FNDC3A: variants seen among roughly 807,000 people sequenced by gnomAD.
The protein encoded by FNDC3A is fibronectin type-III domain-containing protein 3A.
FNDC3A carries 32 observed loss-of-function variants against 148.9 expected under a neutral mutation model. That is an observed-to-expected ratio of 0.21 (90% CI 0.16 to 0.29). The LOEUF (loss-of-function observed/expected upper bound fraction) is 0.29, where lower values mean the gene tolerates loss of function less well. Ranked by LOEUF, FNDC3A falls within the 10% of genes least tolerant of loss-of-function variation. The pLI, the probability that FNDC3A is intolerant of heterozygous loss-of-function variation, is 1.00. For synonymous variants in FNDC3A, 472 were observed against 473.6 expected (o/e 1.00, Z 0.04); for missense variants, 1,191 against 1,452.8 (o/e 0.82, Z 2.93).
intron 1 of FNDC3A, among the ~76,000 whole-genome samples, chr13:48,988,560 G>A (rs1951848136): frequency 6.6e-6 from 1 of 152,176 alleles, no homozygotes; most frequent in Non-Finnish European, 1.5e-5. Flanking sequence ...CTTGTAGTAT[G>A]GCCAGGTGCT....
intron 2 of FNDC3A, among the ~76,000 whole-genome samples, chr13:49,043,853 G>T (rs1289181998): frequency 1.3e-5 from 2 of 152,036 alleles, no homozygotes; most frequent in Admixed American, 6.5e-5. Flanking sequence ...CAACTCAAAA[G>T]ATTAAATAAA....
Position 49,075,135 on chromosome 13 carries a change from A to AT in FNDC3A, c.100-146dup, listed in dbSNP as rs202029089. Among the ~76,000 whole-genome samples the AT allele has an allele frequency of 7.3e-3, 1,105 of 151,658 alleles. 14 individuals carry two copies. The highest frequency in any genetic ancestry group is 0.044 in the East Asian group (226 of 5,164). On this transcript the variant is annotated intron_variant, in intron 2 of 25. Coordinates refer to ENST00000492622, the MANE Select transcript of FNDC3A (RefSeq NM_001079673.2). ...CTAACCTCCAGAAAAGTGATGTCAC[A>AT]TTTTTTTTAGCAAACCAGCATCTTA...
rs183511561 is a variant in FNDC3A at position 49,006,242 on chromosome 13, A to G, written c.52A>G (p.Ile18Val). ...LDTTQILSSD[I>V]SLLSAPIVSA... Reference sequence around the variant, plus strand: ...TACAACTCAGATCTTAAGTAGTGATATTTCTCTTTTGTCTGCCCCTATTGT... The same window carrying G: ...TACAACTCAGATCTTAAGTAGTGATGTTTCTCTTTTGTCTGCCCCTATTGT... The change falls in exon 2 of 26, where the codon ATT becomes GTT. Residue 18 changes from isoleucine to valine, a missense_variant. By Grantham distance (29) the Ile-to-Val change is conservative. Coordinates refer to ENST00000492622, the MANE Select transcript of FNDC3A (RefSeq NM_001079673.2). 328 of 1,610,374 alleles carry G rather than the reference A, an allele frequency of 2.0e-4. No individual in the cohort carries two copies. Among genetic ancestry groups the G allele is most frequent in the Admixed American group, 5.7e-4 (34 of 59,874 alleles).
chr13:49,135,124 G>A (rs1882279439), intron 5 of FNDC3A, among the ~76,000 whole-genome samples: 1 of 151,682 alleles, frequency 6.6e-6, no homozygotes, highest in Non-Finnish European at 1.5e-5. Flanking sequence ...CAAAGTGCTG[G>A]GATTACAGGC....
At chr13:49,028,229 T>C (rs1873861062) in intron 2 of FNDC3A, among the ~76,000 whole-genome samples, 1 of 151,538 alleles carries the variant, frequency 6.6e-6, no homozygotes, top group South Asian at 2.1e-4. Flanking sequence ...AAAAAAAAAT[T>C]CATGATTTAA....
chr13:49,162,429 A>G (rs1438991309), intron 8 of FNDC3A, among the ~76,000 whole-genome samples: 1 of 152,084 alleles, frequency 6.6e-6, no homozygotes, highest in Non-Finnish European at 1.5e-5. Flanking sequence ...TGTGTCACGT[A>G]GTTCTCGTGC....
chr13:49,092,567 T>C (rs561475489), intron 3 of FNDC3A, among the ~76,000 whole-genome samples: 1 of 152,272 alleles, frequency 6.6e-6, no homozygotes, highest in Non-Finnish European at 1.5e-5. Flanking sequence ...CTTTGTATCC[T>C]TCAATCCAAT....
chr13:49,008,371 C>A (rs185189501), intron 2 of FNDC3A, among the ~76,000 whole-genome samples: 1 of 152,128 alleles, frequency 6.6e-6, no homozygotes, highest in Admixed American at 6.5e-5. Context: ...CTTATTGATA[C>A]GCCAAGTTAT....
intron 2 of FNDC3A, among the ~76,000 whole-genome samples, chr13:49,027,324 G>A (rs978808973): frequency 1.3e-5 from 2 of 152,172 alleles, no homozygotes; most frequent in African/African-American, 2.4e-5. Flanking sequence ...GCACCAAACC[G>A]ATAGGAATGG....
At chr13:49,050,385 A>G (rs1875748563) in intron 2 of FNDC3A, among the ~76,000 whole-genome samples, 1 of 152,086 alleles carries the variant, frequency 6.6e-6, no homozygotes, top group South Asian at 2.1e-4. Flanking sequence ...TTCCATCTTG[A>G]TTTCATTTTT....
intron 3 of FNDC3A, among the ~76,000 whole-genome samples, chr13:49,113,900 A>G (rs150749282): frequency 1.7e-3 from 260 of 151,282 alleles, no homozygotes; most frequent in African/African-American, 6.1e-3. Flanking sequence ...ATGTTAAAAG[A>G]GAAGGTAAAC....
At chr13:49,066,472 T>C (rs1039271490) in intron 2 of FNDC3A, among the ~76,000 whole-genome samples, 1 of 152,208 alleles carries the variant, frequency 6.6e-6, no homozygotes, top group Non-Finnish European at 1.5e-5. Context: ...TACTGCTGCT[T>C]ACTGTGTATG....
At chr13:49,122,812 A>G (rs1408888025) in intron 4 of FNDC3A, among the ~76,000 whole-genome samples, 1 of 152,200 alleles carries the variant, frequency 6.6e-6, no homozygotes, top group Non-Finnish European at 1.5e-5. Context: ...GACCTCTTCA[A>G]GGAGAACTAC....
intron 1 of FNDC3A, among the ~76,000 whole-genome samples, chr13:48,990,625 G>A (rs1239309720): frequency 2.0e-5 from 3 of 147,306 alleles, no homozygotes; most frequent in East Asian, 2.0e-4. Flanking sequence ...AGCCAGGCAT[G>A]GTGGTGCATG....
chr13:48,996,487 G>A (rs1593449938), intron 1 of FNDC3A, among the ~76,000 whole-genome samples: 1 of 152,108 alleles, frequency 6.6e-6, no homozygotes, highest in Admixed American at 6.5e-5. Context: ...ACAATACAGT[G>A]TCACTATTTA....
At chr13:49,143,854 T>C (rs1240802023) in intron 7 of FNDC3A, among the ~76,000 whole-genome samples, 1 of 151,970 alleles carries the variant, frequency 6.6e-6, no homozygotes, top group Admixed American at 6.6e-5. Context: ...CTTCATAAAG[T>C]AGGTGCCAGG....
chr13:49,072,764 A>C (rs1465789492), intron 2 of FNDC3A, among the ~76,000 whole-genome samples: 1 of 152,132 alleles, frequency 6.6e-6, no homozygotes, highest in Non-Finnish European at 1.5e-5. Flanking sequence ...GATTACAGGC[A>C]TGAGCCACCA....
chr13:49,162,058 C>T (rs1196316342), intron 8 of FNDC3A, among the ~76,000 whole-genome samples: 1 of 152,090 alleles, frequency 6.6e-6, no homozygotes, highest in Non-Finnish European at 1.5e-5. Flanking sequence ...TTCATTTCAA[C>T]TTTGGTGAAT....
chr13:49,163,703 A>G (rs1884298958), intron 8 of FNDC3A, among the ~76,000 whole-genome samples: 1 of 152,132 alleles, frequency 6.6e-6, no homozygotes, highest in Non-Finnish European at 1.5e-5. Context: ...TAAATCACCC[A>G]TCTTCTGTAT....
Sources: allele counts gnomAD v4.1 joint callset (sites outside exome capture counted in the v4.1 genomes callset), GRCh38; gene constraint gnomAD v4.1.1; transcripts MANE v1.5; gene names NCBI Gene and HGNC (gene_info 2026-07-23, HGNC 2026-07-21).